The following KLF8 variants were observed in gnomAD, a reference collection of about 807,000 sequenced individuals.
The protein encoded by KLF8 is Krueppel-like factor 8.
A neutral mutation model predicts 18.2 loss-of-function variants in KLF8; 10 were observed. That is an observed-to-expected ratio of 0.55 (90% confidence interval 0.34 to 0.93). The LOEUF (loss-of-function observed/expected upper bound fraction) is 0.93. KLF8 is among the 40% of genes least tolerant of loss of function. The pLI, the probability that KLF8 is intolerant of heterozygous loss-of-function variation, is 0.02. For synonymous variants in KLF8, 109 were observed against 97.3 expected (o/e 1.12, Z -0.71); for missense variants, 264 against 277.9 (o/e 0.95, Z 0.36).
the KLF8 span, among the ~76,000 whole-genome samples, chrX:56,175,356 C>T: frequency 1.8e-5 from 2 of 111,723 alleles, no homozygotes; most frequent in South Asian, 3.7e-4. Flanking sequence ...CGTTATGTAC[C>T]GAGTAGTCAT....
At chrX:56,209,241 G>C in the KLF8 span, among the ~76,000 whole-genome samples, 1 of 111,331 alleles carries the variant, frequency 9.0e-6, no homozygotes, top group South Asian at 3.8e-4. Flanking sequence ...TTTTTGTCTT[G>C]AAATCTATTT....
chrX:56,184,178 G>A, the KLF8 span, among the ~76,000 whole-genome samples: 13 of 112,242 alleles, frequency 1.2e-4, no homozygotes, highest in East Asian at 5.6e-4. Context: ...CTAACACTGC[G>A]CATTTCCGAC....
chrX:56,095,316 CT>C, the KLF8 span, among the ~76,000 whole-genome samples: 1 of 112,264 alleles, frequency 8.9e-6, no homozygotes, highest in South Asian at 3.6e-4. Context: ...TATACAAAAA[CT>C]AACTCAAGAT....
At chrX:55,918,333 C>T in the KLF8 span, among the ~76,000 whole-genome samples, 4 of 111,953 alleles carry the variant, frequency 3.6e-5, no homozygotes, top group Non-Finnish European at 5.6e-5. Context: ...CATCATTTTT[C>T]ATGTTCCTGG....
the KLF8 span, among the ~76,000 whole-genome samples, chrX:56,145,098 G>T: frequency 9.0e-6 from 1 of 111,188 alleles, no homozygotes; most frequent in African/African-American, 3.3e-5. Context: ...CAGCCAGAAT[G>T]CATAGAGAAC....
At chrX:56,192,767 G>A in the KLF8 span, among the ~76,000 whole-genome samples, 1 of 112,418 alleles carries the variant, frequency 8.9e-6, no homozygotes, top group Non-Finnish European at 1.9e-5. Flanking sequence ...ATATGCAAAA[G>A]CATGAAACCA....
At chrX:56,163,077 T>G in the KLF8 span, among the ~76,000 whole-genome samples, 786 of 112,344 alleles carry the variant, frequency 7.0e-3, 4 homozygotes, top group South Asian at 0.025. Context: ...GTCTTTATAA[T>G]ATAATCATTT....
chrX:56,172,856 G>A, the KLF8 span, among the ~76,000 whole-genome samples: 1 of 112,365 alleles, frequency 8.9e-6, no homozygotes, highest in East Asian at 2.8e-4. Flanking sequence ...CTGATAGCCA[G>A]TGATGACGAG....
the KLF8 span, among the ~76,000 whole-genome samples, chrX:56,125,936 G>A: frequency 8.9e-6 from 1 of 111,900 alleles, no homozygotes; most frequent in Non-Finnish European, 1.9e-5. Flanking sequence ...CACCCACAGT[G>A]CCTGGTACTT....
the KLF8 span, among the ~76,000 whole-genome samples, chrX:56,051,007 C>T: frequency 6.4e-5 from 7 of 109,802 alleles, no homozygotes; most frequent in African/African-American, 2.3e-4. Context: ...GAATTGATCC[C>T]TTTACCATTA....
the KLF8 span, among the ~76,000 whole-genome samples, chrX:55,982,251 C>G: frequency 9.0e-6 from 1 of 111,657 alleles, no homozygotes; most frequent in Non-Finnish European, 1.9e-5. Context: ...TTTTGTAGTA[C>G]ATTTGTGAAC....
the KLF8 span, among the ~76,000 whole-genome samples, chrX:56,150,414 C>T: frequency 8.9e-6 from 1 of 112,090 alleles, no homozygotes; most frequent in Middle Eastern, 4.6e-3. Context: ...TTAAATGCTG[C>T]TTTGATGTCA....
chrX:56,103,142 C>T, the KLF8 span, among the ~76,000 whole-genome samples: 305 of 109,978 alleles, frequency 2.8e-3, no homozygotes, highest in African/African-American at 9.6e-3. Context: ...AGTCAGGTAG[C>T]ATGATGCCTC....
intron 2 of KLF8, among the ~76,000 whole-genome samples, chrX:56,256,684 G>T (rs1169822158): frequency 9.0e-6 from 1 of 111,529 alleles, no homozygotes; most frequent in Non-Finnish European, 1.9e-5. Flanking sequence ...GGTCATTCAG[G>T]AGCAATTTTT....
At chrX:55,930,862 C>G in the KLF8 span, among the ~76,000 whole-genome samples, 2 of 111,832 alleles carry the variant, frequency 1.8e-5, no homozygotes, top group South Asian at 7.5e-4. Flanking sequence ...CGTTGTGTCT[C>G]TGCCAGGTTT....
At chrX:56,237,722 G>A (rs1436946364) in intron 1 of KLF8, among the ~76,000 whole-genome samples, 6 of 111,799 alleles carry the variant, frequency 5.4e-5, no homozygotes, top group Non-Finnish European at 1.1e-4. Flanking sequence ...AGAGAGCTCA[G>A]GCTGCCATAA....
Position 56,255,898 on chromosome X carries a change from T to C in KLF8, c.81+5594T>C, listed in dbSNP as rs182818535. On this transcript the variant is annotated intron_variant, in intron 2 of 5. Coordinates refer to ENST00000468660, the MANE Select transcript of KLF8 (RefSeq NM_007250.5). ...TTTGGTATCAGGGTAATACTGGCCT[T>C]GTAGAATGAGTTTGGAAATAGTTCC... 1.6e-4 allele frequency among the ~76,000 whole-genome samples: 18 copies of C among 111,813 alleles called. No homozygotes were observed. The East Asian group carries it at 4.8e-3, about 30-fold the overall frequency.
the KLF8 span, among the ~76,000 whole-genome samples, chrX:56,001,766 C>G: frequency 5.8e-4 from 65 of 111,993 alleles, no homozygotes; most frequent in African/African-American, 1.9e-3. Context: ...TCAATGCTCA[C>G]ATGTCAGTAC....
the KLF8 span, among the ~76,000 whole-genome samples, chrX:55,994,273 G>A: frequency 9.2e-6 from 1 of 108,175 alleles, no homozygotes; most frequent in South Asian, 4.0e-4. Flanking sequence ...TGGTGGTAAT[G>A]TCTCCTTTGT....
Sources: allele counts gnomAD v4.1 joint callset (sites outside exome capture counted in the v4.1 genomes callset), GRCh38; gene constraint gnomAD v4.1.1; transcripts MANE v1.5; gene names NCBI Gene and HGNC (gene_info 2026-07-23, HGNC 2026-07-21).